Variants in MRPL42 observed in about 807,000 individuals in gnomAD.
The protein encoded by MRPL42 is mitochondrial ribosomal protein L42, also known as large ribosomal subunit protein mL42.
In MRPL42, 17 loss-of-function variants were observed where a neutral mutation model predicts 17.9. The observed-to-expected ratio is 0.95, with a 90% confidence interval of 0.65 to 1.42. The LOEUF (loss-of-function observed/expected upper bound fraction) is 1.42, where lower values mean the gene tolerates loss of function less well. MRPL42 is among the 40% of genes most tolerant of loss of function. The pLI is 0.00. For missense variants in MRPL42, 177 were observed against 175.2 expected (o/e 1.01, Z -0.06); for synonymous variants, 59 against 54.4 (o/e 1.08, Z -0.37).
At chr12:93,490,422 G>T (rs1953389981) in intron 5 of MRPL42, among the ~76,000 whole-genome samples, 1 of 152,156 alleles carries the variant, frequency 6.6e-6, no homozygotes, top group South Asian at 2.1e-4. Context: ...GAGCTTGGCA[G>T]AGAAACCCCA....
chr12:93,470,515 G>A (rs766333924), intron 2 of MRPL42: 22 of 1,289,780 alleles, frequency 1.7e-5, no homozygotes, highest in Middle Eastern at 2.2e-4. Flanking sequence ...GGTTTGTTAC[G>A]TGGATGTATT....
At chr12:93,474,226 GTA>G (rs565279488) in intron 2 of MRPL42, among the ~76,000 whole-genome samples, 40 of 151,988 alleles carry the variant, frequency 2.6e-4, no homozygotes, top group African/African-American at 8.4e-4. Context: ...CAGTGAAAAT[GTA>G]TATCATCTAG....
chr12:93,476,021 A>G (rs979095998), intron 2 of MRPL42, among the ~76,000 whole-genome samples: 6 of 152,040 alleles, frequency 3.9e-5, no homozygotes, highest in African/African-American at 1.2e-4. Flanking sequence ...AAGAAAAACA[A>G]TTTTGGCTCT....
At chr12:93,490,445 T>C (rs1953390329) in intron 5 of MRPL42, among the ~76,000 whole-genome samples, 1 of 152,222 alleles carries the variant, frequency 6.6e-6, no homozygotes, top group Non-Finnish European at 1.5e-5. Flanking sequence ...GACTAGTTTA[T>C]GTGTATAAAG....
At position 93,513,770 on chromosome 12, in the gene MRPL42, T is replaced by C. The variant is rs886554726; in HGVS notation, c.*12549T>C. 6.6e-6 allele frequency: 1 copy of C among 152,212 alleles called. No individual in the cohort carries two copies. Among genetic ancestry groups the C allele is most frequent in the Non-Finnish European group, 1.5e-5 (1 of 68,038 alleles). The allele number at this position is 152,212 out of a possible 1,614,324, so 9.4% of individuals were successfully genotyped here. ...GGGGCTTTTAAAAAATGTTTTTCAT[T>C]CTACTAATTTCATTTTATAATTTAT... On this transcript the variant is annotated 3_prime_UTR_variant, in exon 6 of 6. Transcript: ENST00000549982.
At chr12:93,479,012 G>A (rs1282645885) in intron 3 of MRPL42, among the ~76,000 whole-genome samples, 1 of 149,786 alleles carries the variant, frequency 6.7e-6, no homozygotes, top group Admixed American at 6.7e-5. Context: ...ACTTCCTTCA[G>A]CCTCTGCCTC....
At position 93,502,950 on chromosome 12, in the gene MRPL42, G is replaced by C. The variant is rs1953615653; in HGVS notation, c.*1729G>C. Reference sequence around the variant, plus strand: ...GCTTTCTGGGATTTTGCTTTTCATGGGTTGCTGATTTTTAATTTTGCTAAA... The same window carrying C: ...GCTTTCTGGGATTTTGCTTTTCATGCGTTGCTGATTTTTAATTTTGCTAAA... On this transcript the variant is annotated 3_prime_UTR_variant, in exon 6 of 6. Coordinates refer to ENST00000549982, the MANE Select transcript of MRPL42 (RefSeq NM_014050.4). 6.6e-6 allele frequency: 1 copy of C among 151,136 alleles called. No homozygotes were observed. Among genetic ancestry groups the C allele is most frequent in the South Asian group, 2.1e-4 (1 of 4,768 alleles). The allele number at this position is 151,136 out of a possible 1,614,324, so 9.4% of individuals were successfully genotyped here.
intron 2 of MRPL42, among the ~76,000 whole-genome samples, chr12:93,475,073 C>T (rs1880097505): frequency 6.6e-6 from 1 of 151,370 alleles, no homozygotes; most frequent in Non-Finnish European, 1.5e-5. Context: ...TGTGAAGAAC[C>T]TTGGGGGCAG....
At position 93,489,602 on chromosome 12, in the gene MRPL42, C is replaced by T. The variant is rs147197563; in HGVS notation, c.383+1942C>T. On this transcript the variant is annotated intron_variant, in intron 5 of 5. Transcript: ENST00000549982. ...AGGCTGGAGTGCAGTGGTGTGATCT[C>T]AGCTCACTGCAACTTCCGCCTCCCA... Among the ~76,000 whole-genome samples, 721 of 152,140 alleles carry T rather than the reference C, an allele frequency of 4.7e-3. 8 individuals are homozygous for T. The highest frequency in any genetic ancestry group is 0.016 in the African/African-American group (683 of 41,494).
rs1286297112 is a variant in MRPL42 at position 93,512,326 on chromosome 12, C to T, written c.*11105C>T. 1 of 152,312 alleles carries T rather than the reference C, an allele frequency of 6.6e-6. No homozygotes were observed. The highest frequency in any genetic ancestry group is 6.5e-5 in the Admixed American group (1 of 15,276). 9.4% of individuals were successfully genotyped at this position (152,312 alleles called of 1,614,324 possible). On this transcript the variant is annotated 3_prime_UTR_variant, in exon 6 of 6. Transcript: ENST00000549982. ...AATTAGCTGGGCGTGGTGGCACACA[C>T]CTGTATTCCTTGCTACTCGGGAGGC...
chr12:93,494,991 A>G (rs1953471221), intron 5 of MRPL42, among the ~76,000 whole-genome samples: 1 of 152,208 alleles, frequency 6.6e-6, no homozygotes, highest in African/African-American at 2.4e-5. Flanking sequence ...TGCACTGGGA[A>G]AATGGGGTGG....
intron 4 of MRPL42, among the ~76,000 whole-genome samples, chr12:93,480,527 T>C (rs1473280938): frequency 4.6e-5 from 7 of 151,940 alleles, no homozygotes; most frequent in African/African-American, 1.7e-4. Flanking sequence ...GCCGGTTGAT[T>C]TGACAAATAA....
chr12:93,513,721 T>C lies in MRPL42; in HGVS notation c.*12500T>C, dbSNP rs964466679. Reference sequence around the variant, plus strand: ...TTCTATTTATTGAAATTTAATTTTATATCCATTAACATAATTAAAAATTGG... The same window carrying C: ...TTCTATTTATTGAAATTTAATTTTACATCCATTAACATAATTAAAAATTGG... On this transcript the variant is annotated 3_prime_UTR_variant, in exon 6 of 6. Transcript: ENST00000549982. 3.3e-5 allele frequency: 5 copies of C among 152,226 alleles called. No homozygotes were observed. The highest frequency in any genetic ancestry group is 5.9e-5 in the Non-Finnish European group (4 of 68,038). 9.4% of individuals were successfully genotyped at this position (152,226 alleles called of 1,614,324 possible).
intron 2 of MRPL42, 143 bp from the exon 3 acceptor site, chr12:93,476,811 T>G (rs1470310041): frequency 8.5e-6 from 6 of 704,726 alleles, no homozygotes; most frequent in Non-Finnish European, 1.2e-5. Context: ...GAGTCTTGTT[T>G]GTTGTTGAAT....
rs1379837632 is a variant in MRPL42, at chr12:93,514,526, C to A, written c.*13305C>A. On this transcript the variant is annotated 3_prime_UTR_variant, in exon 6 of 6. Coordinates refer to ENST00000549982, the MANE Select transcript of MRPL42 (RefSeq NM_014050.4). ...CCTCAGGTGATCTGGCTGCCTTGGCCTCCCAAAGTGCTGACATTACAGGCA... is the reference window on the plus strand; with the variant it reads ...CCTCAGGTGATCTGGCTGCCTTGGCATCCCAAAGTGCTGACATTACAGGCA... The A allele has an allele frequency of 6.6e-6, 1 of 152,104 alleles. No homozygotes were observed. The highest frequency in any genetic ancestry group is 2.4e-5 in the African/African-American group (1 of 41,384). 9.4% of individuals were successfully genotyped at this position (152,104 alleles called of 1,614,324 possible).
intron 5 of MRPL42, among the ~76,000 whole-genome samples, chr12:93,491,131 TC>T (rs1353562401): frequency 6.6e-6 from 1 of 152,204 alleles, no homozygotes; most frequent in Non-Finnish European, 1.5e-5. Context: ...CTTCAAGTGA[TC>T]CCACTGCCTT....
chr12:93,469,449 G>A, intron 2 of MRPL42, 94 bp downstream of exon 2: 1 of 865,088 alleles, frequency 1.2e-6, no homozygotes, highest in Non-Finnish European at 1.8e-6. Flanking sequence ...CCTGTAATTT[G>A]CAGGAGTGTT....
intron 4 of MRPL42, among the ~76,000 whole-genome samples, chr12:93,484,975 C>CACATATATATACATATATATATAT (rs1880644797): frequency 4.3e-5 from 1 of 23,170 alleles, no homozygotes; most frequent in Admixed American, 5.6e-4. Flanking sequence ...CACACACACA[C>CACATATATATACATATATATATAT]ACACATATAT....
At chr12:93,492,303 A>C (rs1051285376) in intron 5 of MRPL42, among the ~76,000 whole-genome samples, 7 of 152,198 alleles carry the variant, frequency 4.6e-5, no homozygotes, top group Non-Finnish European at 1.0e-4. Flanking sequence ...TATTTTTAAT[A>C]ATAGCCATTC....
Sources: allele counts gnomAD v4.1 joint callset (sites outside exome capture counted in the v4.1 genomes callset), GRCh38; gene constraint gnomAD v4.1.1; transcripts MANE v1.5; gene names NCBI Gene and HGNC (gene_info 2026-07-23, HGNC 2026-07-21).